Variants in HAPLN3 observed in about 807,000 individuals in gnomAD.
The protein encoded by HAPLN3 is extracellular link domain containing, 1.
Under a neutral mutation model 28.1 loss-of-function variants are expected in HAPLN3, and 28 were observed. The observed-to-expected ratio is 1.00, with a 90% CI of 0.74 to 1.37. The LOEUF is 1.37. Among genes scored for constraint, HAPLN3 ranks in the 40% most tolerant of loss-of-function variants. HAPLN3 has a pLI of 0.00. For synonymous variants in HAPLN3, 211 were observed against 213.1 expected, an observed-to-expected ratio of 0.99 and a Z score of 0.09; for missense variants, 513 against 504.6, an observed-to-expected ratio of 1.02 and a Z score of -0.16.
rs993759869 is a variant in HAPLN3, at chr15:88,881,916, T to A, written c.125-191A>T. On this transcript the variant is annotated intron_variant, in intron 2 of 4. Transcript: ENST00000359595. This position sits in a 1 kb window ranked among gnomAD's most constrained non-coding sequence, Gnocchi z 6.0. The stretch of plus-strand genomic sequence containing the variant: ...TCTCCTTCCATCAAGAGATGACAGT[T>A]ATTCCCCCACCCCCTTGAATCTGTG... Among the ~76,000 whole-genome samples, 1 of 152,180 alleles carries A rather than the reference T, an allele frequency of 6.6e-6. No homozygotes were observed. Among genetic ancestry groups the A allele is most frequent in the African/African-American group, 2.4e-5 (1 of 41,436 alleles).
chr15:88,885,374 C>T (rs1355713882), intron 2 of HAPLN3, among the ~76,000 whole-genome samples: 1 of 152,146 alleles, frequency 6.6e-6, no homozygotes, highest in Non-Finnish European at 1.5e-5. Flanking sequence ...CTCCCAGGTT[C>T]AAGCAATTCT....
chr15:88,892,671 G>C (rs1028417487), intron 1 of HAPLN3, among the ~76,000 whole-genome samples: 9 of 152,048 alleles, frequency 5.9e-5, no homozygotes, highest in Non-Finnish European at 8.8e-5. Context: ...TGACCTCTCT[G>C]AACAGAAAAT....
At position 88,880,151 on chromosome 15, in the gene HAPLN3, T is replaced by C. The variant is rs1897658515; in HGVS notation, c.494-882A>G. ...ACAGTCAGCTTGCAGCCTCTACGTG[T>C]GTTTGCAGGGGGACTATTTCATGCC... On this transcript the variant is annotated intron_variant, in intron 3 of 4. Coordinates refer to ENST00000359595, the MANE Select transcript of HAPLN3 (RefSeq NM_178232.4). This position sits in a 1 kb window ranked among gnomAD's most constrained non-coding sequence, Gnocchi z 6.0. 1.0e-6 allele frequency: 1 copy of C among 994,950 alleles called. No homozygotes were observed. Among genetic ancestry groups the C allele is most frequent in the African/African-American group, 1.7e-5 (1 of 57,332 alleles). The allele number at this position is 994,950 out of a possible 1,614,324, so 61.6% of individuals were successfully genotyped here. A position where few individuals can be genotyped will look rare whatever the true frequency, so the allele number is the denominator to read the frequency against.
rs1165462965 is a variant in HAPLN3 at position 88,881,607 on chromosome 15, C to T, written c.243G>A (p.Pro81=). 7 of 1,613,910 alleles carry T rather than the reference C, an allele frequency of 4.3e-6. No homozygotes were observed. Among genetic ancestry groups the T allele is most frequent in the Admixed American group, 3.3e-5 (2 of 60,008 alleles). Residue 81 remains proline, a synonymous_variant, in exon 3 of 5, where the codon CCG becomes CCA. Coordinates refer to ENST00000359595, the MANE Select transcript of HAPLN3 (RefSeq NM_178232.4). The surrounding 1 kb of genome is among the most constrained non-coding windows in gnomAD (Gnocchi z 6.0). ...TCCACCATTTGACACGCACACGCCGCGGGGAGACCAGGGCCGGCTCGTAGC... is the reference window on the plus strand; with the variant it reads ...TCCACCATTTGACACGCACACGCCGTGGGGAGACCAGGGCCGGCTCGTAGC... ...RYRYEPALVS[P]RRVRVKWWKL...
At chr15:88,892,008 C>G (rs77912051) in intron 1 of HAPLN3, among the ~76,000 whole-genome samples, 1 of 152,062 alleles carries the variant, frequency 6.6e-6, no homozygotes, top group African/African-American at 2.4e-5. Flanking sequence ...CCTCTTACAG[C>G]GGCTCATCTA....
chr15:88,885,280 T>C (rs1440476471), intron 2 of HAPLN3, among the ~76,000 whole-genome samples: 1 of 151,856 alleles, frequency 6.6e-6, no homozygotes, highest in Admixed American at 6.6e-5. Flanking sequence ...AACAAGTTTG[T>C]TGTTGTTGTT....
chr15:88,888,229 C>A lies in HAPLN3; in HGVS notation c.-47-884G>T, dbSNP rs1897919902. Among the ~76,000 whole-genome samples the A allele has an allele frequency of 6.6e-6, 1 of 151,430 alleles. No homozygotes were observed. The highest frequency in any genetic ancestry group is 1.5e-5 in the Non-Finnish European group (1 of 67,898). The stretch of plus-strand genomic sequence containing the variant: ...GCCTCAGCCTCCCGAGTAGCTGGGA[C>A]TACAGGTGCGTGCCACCAAGCTCAG... On this transcript the variant is annotated intron_variant, in intron 1 of 4. Transcript: ENST00000359595. This position sits in a 1 kb window ranked among gnomAD's most constrained non-coding sequence, Gnocchi z 4.1.
In HAPLN3 at chr15:88,888,264, T is replaced by C. The variant is rs1461078352; in HGVS notation, c.-47-919A>G. On this transcript the variant is annotated intron_variant, in intron 1 of 4. Coordinates refer to ENST00000359595, the MANE Select transcript of HAPLN3 (RefSeq NM_178232.4). This position sits in a 1 kb window ranked among gnomAD's most constrained non-coding sequence, Gnocchi z 4.1. Reference sequence around the variant, plus strand: ...GTGCCACCAAGCTCAGCTAATTTTTTGTAATTTTAGTACAGACGGGGTTTC... The same window carrying C: ...GTGCCACCAAGCTCAGCTAATTTTTCGTAATTTTAGTACAGACGGGGTTTC... Among the ~76,000 whole-genome samples the C allele has an allele frequency of 6.6e-6, 1 of 151,972 alleles. No individual in the cohort carries two copies. Among genetic ancestry groups the C allele is most frequent in the African/African-American group, 2.4e-5 (1 of 41,388 alleles).
rs770149173 is a variant in HAPLN3 at position 88,879,244 on chromosome 15, G to C, written c.519C>G (p.Pro173=). The change falls in exon 4 of 5, where the codon CCC becomes CCG. Residue 173 remains proline, a synonymous_variant. Coordinates refer to ENST00000359595, the MANE Select transcript of HAPLN3 (RefSeq NM_178232.4). The surrounding 1 kb of genome is among the most constrained non-coding windows in gnomAD (Gnocchi z 5.0). ...GGAAGTTGAACTGGTAGCGCCCGTT[G>C]GGGGACTGGTAAGGAAAGACCACAC... ...LRGVVFPYQS[P]NGRYQFNFHE... 2 of 1,608,456 alleles carry C rather than the reference G, an allele frequency of 1.2e-6. No homozygotes were observed. The highest frequency in any genetic ancestry group is 1.7e-6 in the Non-Finnish European group (2 of 1,176,834).
At chr15:88,885,362 T>A (rs1283266585) in intron 2 of HAPLN3, among the ~76,000 whole-genome samples, 3 of 151,408 alleles carry the variant, frequency 2.0e-5, no homozygotes, top group Admixed American at 6.6e-5. Context: ...TGCAACCTCC[T>A]CCTCCCAGGT....
intron 2 of HAPLN3, among the ~76,000 whole-genome samples, chr15:88,883,818 C>T (rs751968669): frequency 1.3e-5 from 2 of 152,220 alleles, no homozygotes; most frequent in Non-Finnish European, 2.9e-5. Context: ...TGGCTCACGC[C>T]TGTAATCCTA....
At chr15:88,887,112 C>T in intron 2 of HAPLN3, 63 bp downstream of exon 2, 1 of 1,573,688 alleles carries the variant, frequency 6.4e-7, no homozygotes, top group Non-Finnish European at 8.7e-7. Flanking sequence ...CAGATCACAG[C>T]AAGAGCCAAG....
At chr15:88,885,618 C>T (rs182611300) in intron 2 of HAPLN3, among the ~76,000 whole-genome samples, 35 of 152,202 alleles carry the variant, frequency 2.3e-4, no homozygotes, top group African/African-American at 8.2e-4. Flanking sequence ...CCACCACGCC[C>T]GGCTACTTTT....
At chr15:88,886,309 C>G (rs955710703) in intron 2 of HAPLN3, among the ~76,000 whole-genome samples, 3 of 148,820 alleles carry the variant, frequency 2.0e-5, no homozygotes, top group African/African-American at 7.5e-5. Flanking sequence ...CAAGATCGCG[C>G]CACTGCACTC....
rs1051998065 is a variant in HAPLN3, at chr15:88,881,845, G to A, written c.125-120C>T. ...CTCAGATTGCAAAAATGGCCACCATGCTCCACCCCTCCCTGTATCCACATG... is the reference window on the plus strand; with the variant it reads ...CTCAGATTGCAAAAATGGCCACCATACTCCACCCCTCCCTGTATCCACATG... On this transcript the variant is annotated intron_variant, in intron 2 of 4. Transcript: ENST00000359595. The surrounding 1 kb of genome is among the most constrained non-coding windows in gnomAD (Gnocchi z 6.0). The A allele has an allele frequency of 8.4e-6, 8 of 955,932 alleles. No homozygotes were observed. Among genetic ancestry groups the A allele is most frequent in the Non-Finnish European group, 1.2e-5 (8 of 648,352 alleles). 59.2% of individuals were successfully genotyped at this position (955,932 alleles called of 1,614,324 possible).
At chr15:88,893,140 G>T (rs1259852539) in intron 1 of HAPLN3, 2 of 720,072 alleles carry the variant, frequency 2.8e-6, no homozygotes. Flanking sequence ...TTAAGGCCGG[G>T]TGCAGTGGCT....
Position 88,880,469 on chromosome 15 carries a change from A to AG in HAPLN3, c.493+887dup. On this transcript the variant is annotated intron_variant, in intron 3 of 4. Transcript: ENST00000359595. This position sits in a 1 kb window ranked among gnomAD's most constrained non-coding sequence, Gnocchi z 6.0. ...TGTGATACCCCATTTTACACCTGAG[A>AG]GGCCCAGGGCTCTAAGGGGGATGAG... The AG allele has an allele frequency of 1.6e-6, 2 of 1,232,252 alleles. No individual in the cohort carries two copies. The highest frequency in any genetic ancestry group is 1.2e-4 in the East Asian group (2 of 17,056). The allele number at this position is 1,232,252 out of a possible 1,614,324, so 76.3% of individuals were successfully genotyped here.
rs756999566 is a variant in HAPLN3 at position 88,879,002 on chromosome 15, C to G, written c.761G>C (p.Arg254Pro). ...SYGPRHRRLH[R>P]YDVFCFATAL... ...AGTAGCGAAGCAGAATACATCATAG[C>G]GGTGCAGGCGGCGGTGGCGGGGGCC... The change falls in exon 4 of 5, where the codon CGC becomes CCC. Residue 254 changes from arginine to proline, a missense_variant. Coordinates refer to ENST00000359595, the MANE Select transcript of HAPLN3 (RefSeq NM_178232.4). The surrounding 1 kb of genome is among the most constrained non-coding windows in gnomAD (Gnocchi z 5.0). 2 of 1,610,434 alleles carry G rather than the reference C, an allele frequency of 1.2e-6. No homozygotes were observed. The highest frequency in any genetic ancestry group is 3.4e-5 in the Admixed American group (2 of 59,676).
chr15:88,888,234 G>C lies in HAPLN3; in HGVS notation c.-47-889C>G, dbSNP rs560878938. ...AGCCTCCCGAGTAGCTGGGACTACA[G>C]GTGCGTGCCACCAAGCTCAGCTAAT... On this transcript the variant is annotated intron_variant, in intron 1 of 4. Coordinates refer to ENST00000359595, the MANE Select transcript of HAPLN3 (RefSeq NM_178232.4). The surrounding 1 kb of genome is among the most constrained non-coding windows in gnomAD (Gnocchi z 4.1). Among the ~76,000 whole-genome samples the C allele has an allele frequency of 9.9e-5, 15 of 151,710 alleles. No homozygotes were observed. The South Asian group carries it at 3.1e-3, about 32-fold the overall frequency.
Sources: gnomAD v4.1 joint callset for allele counts (sites outside exome capture counted in the v4.1 genomes callset) on GRCh38, gnomAD v4.1.1 for gene constraint, Gnocchi (gnomAD v3.1) non-coding constraint, MANE v1.5 for transcripts, NCBI Gene and HGNC (gene_info 2026-07-23, HGNC 2026-07-21) for gene names.